Variants in WDFY4 observed in about 807,000 individuals in gnomAD.
WDFY4 encodes the protein WDFY family member 4, also known as WD repeat- and FYVE domain-containing protein 4.
Under a neutral mutation model 351.9 loss-of-function variants are expected in WDFY4, and 169 were observed. That is an observed-to-expected ratio of 0.48 (90% confidence interval 0.42 to 0.55). WDFY4 has a LOEUF of 0.55. WDFY4 is among the 20% of genes least tolerant of loss of function. The pLI is 0.00. For missense variants in WDFY4, 3,803 were observed against 3,935.6 expected (o/e 0.97, Z 0.90); for synonymous variants, 1,622 against 1,574.6 (o/e 1.03, Z -0.71).
chr10:48,756,935 T>C (rs2065355264), intron 12 of WDFY4, among the ~76,000 whole-genome samples: 1 of 152,060 alleles, frequency 6.6e-6, no homozygotes, highest in South Asian at 2.1e-4. Context: ...ATCAGGGTAA[T>C]TCTGGCTTTA....
At chr10:48,974,372 C>T (rs990314278) in intron 57 of WDFY4, among the ~76,000 whole-genome samples, 1 of 151,748 alleles carries the variant, frequency 6.6e-6, no homozygotes, top group African/African-American at 2.4e-5. Context: ...GGCATGGTGG[C>T]AGGCACCTGT....
chr10:48,715,051 T>G (rs532782272), intron 2 of WDFY4, among the ~76,000 whole-genome samples: 1 of 152,316 alleles, frequency 6.6e-6, no homozygotes, highest in Admixed American at 6.5e-5. Flanking sequence ...CTAGCTGCCA[T>G]GTTGTAAGGA....
intron 44 of WDFY4, among the ~76,000 whole-genome samples, chr10:48,892,262 T>C (rs2133373444): frequency 6.6e-6 from 1 of 152,358 alleles, no homozygotes; most frequent in South Asian, 2.1e-4. Context: ...ATTGATTAGG[T>C]AAATTGTGTT....
chr10:48,699,522 G>C (rs1007165483), intron 1 of WDFY4, among the ~76,000 whole-genome samples: 6 of 152,186 alleles, frequency 3.9e-5, no homozygotes, highest in African/African-American at 1.2e-4. Flanking sequence ...AGGGAGAGTG[G>C]TGGAGAGGTT....
intron 39 of WDFY4, among the ~76,000 whole-genome samples, chr10:48,862,473 A>G (rs1432986551): frequency 1.3e-5 from 2 of 152,166 alleles, no homozygotes; most frequent in African/African-American, 4.8e-5. Flanking sequence ...CCAGGGATCT[A>G]GGTTGTGTTC....
intron 40 of WDFY4, among the ~76,000 whole-genome samples, chr10:48,868,536 G>C (rs1363797645): frequency 1.3e-5 from 2 of 152,170 alleles, no homozygotes; most frequent in Non-Finnish European, 2.9e-5. Flanking sequence ...TGTGTCATCT[G>C]TGCCTATTGG....
At chr10:48,855,465 A>G (rs1023227525) in intron 39 of WDFY4, among the ~76,000 whole-genome samples, 2 of 152,130 alleles carry the variant, frequency 1.3e-5, no homozygotes, top group African/African-American at 2.4e-5. Flanking sequence ...TGTAAGATTT[A>G]TCTGTAGTAG....
chr10:48,779,320 G>A (rs2066142377), intron 18 of WDFY4, among the ~76,000 whole-genome samples: 1 of 152,232 alleles, frequency 6.6e-6, no homozygotes, highest in Non-Finnish European at 1.5e-5. Flanking sequence ...CCCTCCTTTG[G>A]CAGTGCTAGA....
chr10:48,715,440 G>T (rs1446094727), intron 2 of WDFY4, among the ~76,000 whole-genome samples: 1 of 152,200 alleles, frequency 6.6e-6, no homozygotes. Flanking sequence ...AGAGGTGAGT[G>T]TATTTTGGTG....
intron 47 of WDFY4, among the ~76,000 whole-genome samples, chr10:48,919,867 CA>C (rs11320857): frequency 0.33 from 50,481 of 150,858 alleles, 8,895 homozygotes; most frequent in Non-Finnish European, 0.39. Flanking sequence ...TGATCTCTTT[CA>C]AAAAAAAATA....
At chr10:48,947,627 C>T (rs1209463657) in intron 51 of WDFY4, among the ~76,000 whole-genome samples, 2 of 152,146 alleles carry the variant, frequency 1.3e-5, no homozygotes, top group African/African-American at 2.4e-5. Flanking sequence ...GTGTCCAAGG[C>T]ATGGGGGATT....
At chr10:48,823,581 C>G in intron 35 of WDFY4, 1 of 1,065,680 alleles carries the variant, frequency 9.4e-7, no homozygotes, top group Non-Finnish European at 1.1e-6. Context: ...AAGGCTTCTT[C>G]AGGAACAACT....
intron 39 of WDFY4, among the ~76,000 whole-genome samples, chr10:48,858,308 C>A (rs1488487222): frequency 1.3e-5 from 2 of 152,086 alleles, no homozygotes; most frequent in African/African-American, 4.8e-5. Context: ...TTGCTTATCC[C>A]TAGATATGAA....
intron 13 of WDFY4, among the ~76,000 whole-genome samples, chr10:48,770,868 T>G (rs1305956695): frequency 6.6e-6 from 1 of 152,228 alleles, no homozygotes; most frequent in East Asian, 1.9e-4. Context: ...CTCTCCTCCA[T>G]ATCAGTGACA....
intron 5 of WDFY4, 113 bp from the exon 6 acceptor site, chr10:48,725,768 C>A: frequency 8.8e-7 from 1 of 1,131,532 alleles, no homozygotes; most frequent in Non-Finnish European, 1.2e-6. Flanking sequence ...TCAATCCTGT[C>A]CTTCTCACAG....
chr10:48,909,417 A>G (rs1837807269), intron 47 of WDFY4: 1 of 152,066 alleles, frequency 6.6e-6, no homozygotes, highest in Non-Finnish European at 1.5e-5. Flanking sequence ...TTTTGTATAA[A>G]TTGGAGTTGC....
intron 29 of WDFY4, among the ~76,000 whole-genome samples, chr10:48,811,231 T>A (rs925065982): frequency 4.6e-5 from 7 of 152,238 alleles, no homozygotes; most frequent in Admixed American, 2.6e-4. Context: ...GCAAGCTTCA[T>A]GAGTGCCTGG....
chr10:48,820,628 G>A (rs930912564), intron 33 of WDFY4, among the ~76,000 whole-genome samples, 191 bp downstream of exon 33: 4 of 152,234 alleles, frequency 2.6e-5, no homozygotes, highest in African/African-American at 9.6e-5. Context: ...TAGAAGCAGA[G>A]CCTGAGGTGG....
intron 16 of WDFY4, 104 bp downstream of exon 16, chr10:48,777,088 C>A: frequency 7.5e-7 from 1 of 1,337,450 alleles, no homozygotes; most frequent in Non-Finnish European, 1.0e-6. Context: ...TTGAATCTCA[C>A]CACTCAGCAG....
Sources: allele counts gnomAD v4.1 joint callset (sites outside exome capture counted in the v4.1 genomes callset), GRCh38; gene constraint gnomAD v4.1.1; transcripts MANE v1.5; gene names NCBI Gene and HGNC (gene_info 2026-07-23, HGNC 2026-07-21).